Variants in RNF216 observed in about 807,000 individuals in gnomAD.
RNF216 encodes the protein ring finger protein 216.
RNF216 carries 72 observed loss-of-function variants against 110.8 expected under a neutral mutation model. The ratio of observed to expected loss-of-function variants is 0.65; its 90% CI spans 0.54 to 0.79. The LOEUF is 0.79. Among genes scored for constraint, RNF216 ranks in the 30% least tolerant of loss-of-function variants. The probability of loss-of-function intolerance (pLI) is 0.00; values close to 1 mark genes in which losing one functional copy is unlikely to be tolerated. For missense variants in RNF216, 1,342 were observed against 1,141.2 expected, an observed-to-expected ratio of 1.18 and a Z score of -2.54; for synonymous variants, 495 against 407.5, an observed-to-expected ratio of 1.21 and a Z score of -2.59.
chr7:5,740,633 T>C (rs760434075), intron 4 of RNF216, among the ~76,000 whole-genome samples: 1 of 152,096 alleles, frequency 6.6e-6, no homozygotes, highest in Non-Finnish European at 1.5e-5. Context: ...TTGGACAGCA[T>C]AGGTCTAGGT....
At position 5,715,056 on chromosome 7, in the gene RNF216, T is replaced by C; in HGVS notation, c.1830A>G (p.Gly610=). 2.5e-6 allele frequency: 4 copies of C among 1,612,564 alleles called. No homozygotes were observed. The highest frequency in any genetic ancestry group is 3.4e-6 in the Non-Finnish European group (4 of 1,179,324). The stretch of plus-strand genomic sequence containing the variant: ...GGACATATTACACAGTTCTTACCTT[T>C]CCAGATCCAAAGACTGCCTCTTGGG... ...RYAQEAVFGS[G]KLELSCMEGS... is the part of the protein sequence containing the mutation. The change falls in exon 11 of 17, where the codon GGA becomes GGG. Residue 610 remains glycine (G), a synonymous_variant. Transcript: ENST00000389902.
At chr7:5,638,662 G>A (rs1401971405) in intron 15 of RNF216, among the ~76,000 whole-genome samples, 1 of 146,844 alleles carries the variant, frequency 6.8e-6, no homozygotes, top group Non-Finnish European at 1.5e-5. Context: ...GGGGGAGACA[G>A]GGTCTTGCTC....
chr7:5,653,151 C>A (rs1788500250), intron 13 of RNF216, among the ~76,000 whole-genome samples: 1 of 146,846 alleles, frequency 6.8e-6, no homozygotes, highest in Non-Finnish European at 1.6e-5. Flanking sequence ...CTCCGTTGCT[C>A]ATCACTCATC....
At position 5,638,556 on chromosome 7, in the gene RNF216, T is replaced by C. The variant is rs71531329; in HGVS notation, c.2382+2598A>G. Among the ~76,000 whole-genome samples the C allele has an allele frequency of 2.4e-3, 361 of 152,232 alleles. 2 individuals carry two copies. The highest frequency in any genetic ancestry group is 7.7e-3 in the Admixed American group (118 of 15,288). On this transcript the variant is annotated intron_variant, in intron 15 of 16. Transcript: ENST00000389902. Reference sequence around the variant, plus strand: ...TACCTACCAGCAGCCAGGTACTATTTTCATTTCCATTTATTTGATTATTAG... The same window carrying C: ...TACCTACCAGCAGCCAGGTACTATTCTCATTTCCATTTATTTGATTATTAG...
At chr7:5,676,580 C>G (rs1790311441) in intron 13 of RNF216, among the ~76,000 whole-genome samples, 2 of 152,148 alleles carry the variant, frequency 1.3e-5, no homozygotes. Flanking sequence ...ACCAACACAG[C>G]TCTCATGGGG....
chr7:5,625,943 A>G (rs1268258165), intron 15 of RNF216, among the ~76,000 whole-genome samples: 1 of 152,238 alleles, frequency 6.6e-6, no homozygotes, highest in Non-Finnish European at 1.5e-5. Context: ...CAACTCTGAC[A>G]CTTGGACATT....
intron 13 of RNF216, among the ~76,000 whole-genome samples, chr7:5,702,646 G>A (rs1451947069): frequency 1.2e-4 from 18 of 152,222 alleles, no homozygotes; most frequent in Non-Finnish European, 2.6e-4. Flanking sequence ...GGTAAGGGAA[G>A]AGGATGTGCT....
intron 3 of RNF216, among the ~76,000 whole-genome samples, chr7:5,742,816 G>A (rs1308895452): frequency 2.0e-5 from 3 of 151,684 alleles, no homozygotes; most frequent in Non-Finnish European, 4.4e-5. Flanking sequence ...GGCTGGTCTT[G>A]AACTCCTGAC....
At chr7:5,712,667 C>A in intron 12 of RNF216, 48 bp downstream of exon 12, 1 of 1,600,506 alleles carries the variant, frequency 6.2e-7, no homozygotes, top group South Asian at 1.1e-5. Flanking sequence ...AGGTAGTTTT[C>A]ACAATGGGGA....
At chr7:5,671,542 C>T (rs1248509577) in intron 13 of RNF216, among the ~76,000 whole-genome samples, 3 of 152,004 alleles carry the variant, frequency 2.0e-5, no homozygotes, top group South Asian at 2.1e-4. Flanking sequence ...CGGTGGCTCA[C>T]GCCTGTAATC....
intron 1 of RNF216, among the ~76,000 whole-genome samples, chr7:5,770,024 C>CAAAAAA (rs1163710982): frequency 0.012 from 284 of 24,138 alleles, 25 homozygotes; most frequent in African/African-American, 0.023. Context: ...AGACCCATCT[C>CAAAAAA]AAAAAAAAAA....
intron 13 of RNF216, among the ~76,000 whole-genome samples, chr7:5,652,855 A>C (rs852523): frequency 6.6e-6 from 1 of 152,142 alleles, no homozygotes; most frequent in Non-Finnish European, 1.5e-5. Context: ...AGGACGCACA[A>C]GGAAAAATTT....
chr7:5,671,389 T>C (rs1789897987), intron 13 of RNF216, among the ~76,000 whole-genome samples: 1 of 152,236 alleles, frequency 6.6e-6, no homozygotes, highest in South Asian at 2.1e-4. Context: ...AATGCATATG[T>C]GAAGCCCTCA....
At chr7:5,760,628 G>A (rs1484231153) in intron 2 of RNF216, 3 of 302,662 alleles carry the variant, frequency 9.9e-6, no homozygotes, top group African/African-American at 2.2e-5. Flanking sequence ...TAAGCATCAT[G>A]GGAAGACAAG....
At chr7:5,752,098 T>C (rs902068666) in intron 3 of RNF216, among the ~76,000 whole-genome samples, 3 of 151,866 alleles carry the variant, frequency 2.0e-5, no homozygotes, top group East Asian at 1.9e-4. Context: ...GGCAGGAGAA[T>C]TGCTTGAAAC....
In RNF216 at chr7:5,715,045, G is replaced by C; in HGVS notation, c.1833+8C>G. The C allele has an allele frequency of 1.2e-6, 2 of 1,611,160 alleles. No homozygotes were observed. Among genetic ancestry groups the C allele is most frequent in the Non-Finnish European group, 1.7e-6 (2 of 1,178,618 alleles). On this transcript the variant is annotated splice_region_variant and intron_variant, in intron 11 of 16. Coordinates refer to ENST00000389902, the MANE Select transcript of RNF216 (RefSeq NM_207111.4). Reference sequence around the variant, plus strand: ...CTATATACATGGGACATATTACACAGTTCTTACCTTTCCAGATCCAAAGAC... The same window carrying C: ...CTATATACATGGGACATATTACACACTTCTTACCTTTCCAGATCCAAAGAC...
chr7:5,691,112 G>A (rs557506981), intron 13 of RNF216, among the ~76,000 whole-genome samples: 111 of 152,316 alleles, frequency 7.3e-4, no homozygotes, highest in African/African-American at 2.6e-3. Flanking sequence ...AGTTCCGACA[G>A]AAGCACACCC....
At chr7:5,646,705 AG>A (rs1562786099) in intron 14 of RNF216, among the ~76,000 whole-genome samples, 2 of 151,440 alleles carry the variant, frequency 1.3e-5, no homozygotes, top group Non-Finnish European at 2.9e-5. Context: ...AAAAAAAAAA[AG>A]AAAGTTATTT....
intron 14 of RNF216, among the ~76,000 whole-genome samples, chr7:5,648,367 A>T (rs1176924519): frequency 6.6e-6 from 1 of 151,536 alleles, no homozygotes; most frequent in Non-Finnish European, 1.5e-5. Context: ...TCAGCCTCCC[A>T]AAGTGCTGGG....
Sources: gnomAD v4.1 joint callset for allele counts (sites outside exome capture counted in the v4.1 genomes callset) on GRCh38, gnomAD v4.1.1 for gene constraint, MANE v1.5 for transcripts, NCBI Gene and HGNC (gene_info 2026-07-23, HGNC 2026-07-21) for gene names.